ESPNL: variants seen among roughly 807,000 people sequenced by gnomAD.
ESPNL encodes espin-like protein.
ESPNL carries 49 observed loss-of-function variants against 46.8 expected under a neutral mutation model. The ratio of observed to expected loss-of-function variants is 1.05; its 90% CI spans 0.83 to 1.33. ESPNL has a LOEUF of 1.33. ESPNL is among the 40% of genes most tolerant of loss of function. The pLI is 0.00. For missense variants in ESPNL, 1,540 were observed against 1,436.6 expected (o/e 1.07, Z -1.16); for synonymous variants, 664 against 662.1 (o/e 1.00, Z -0.04).
intron 1 of ESPNL, among the ~76,000 whole-genome samples, chr2:238,101,576 A>G (rs1004564164): frequency 2.6e-5 from 4 of 152,122 alleles, no homozygotes; most frequent in Admixed American, 2.0e-4. Flanking sequence ...GGGGCAGGGG[A>G]CCAGCCAGAG....
At chr2:238,120,740 T>C (rs151085767) in intron 5 of ESPNL, among the ~76,000 whole-genome samples, 1 of 152,310 alleles carries the variant, frequency 6.6e-6, no homozygotes, top group East Asian at 1.9e-4. Flanking sequence ...TGCTCGTCTC[T>C]CACCACTGGA....
At chr2:238,109,121 C>T (rs1209335231) in intron 4 of ESPNL, among the ~76,000 whole-genome samples, 2 of 152,194 alleles carry the variant, frequency 1.3e-5, no homozygotes, top group African/African-American at 4.8e-5. Flanking sequence ...GGAGGCATGT[C>T]CCTGACAGGT....
At position 238,128,229 on chromosome 2, in the gene ESPNL, T is replaced by C. The variant is rs1177529906; in HGVS notation, c.1216-478T>C. Among the ~76,000 whole-genome samples the C allele has an allele frequency of 2.6e-5, 4 of 152,202 alleles. No individual in the cohort carries two copies. The East Asian group carries it at 5.8e-4, about 22-fold the overall frequency. ...GCGTGGTACTGCAGATTCTCAACCA[T>C]TGAGGTGTTCGGTGGGAGTCTGGGA... On this transcript the variant is annotated intron_variant, in intron 7 of 8. Coordinates refer to ENST00000343063, the MANE Select transcript of ESPNL (RefSeq NM_194312.4).
At chr2:238,126,815 C>T (rs555816891) in intron 6 of ESPNL, among the ~76,000 whole-genome samples, 1 of 147,424 alleles carries the variant, frequency 6.8e-6, no homozygotes, top group Non-Finnish European at 1.5e-5. Flanking sequence ...TGTTCTGTGT[C>T]TGTGTGTTTC....
intron 6 of ESPNL, among the ~76,000 whole-genome samples, chr2:238,125,593 C>G (rs1172196290): frequency 6.6e-6 from 1 of 152,260 alleles, no homozygotes; most frequent in Non-Finnish European, 1.5e-5. Flanking sequence ...TGGGCACTTA[C>G]AGCTACAGCA....
chr2:238,121,262 T>G (rs1181703785), intron 5 of ESPNL, among the ~76,000 whole-genome samples: 1 of 152,178 alleles, frequency 6.6e-6, no homozygotes, highest in East Asian at 1.9e-4. Context: ...TGGGCAGGAA[T>G]GGTGAATAGA....
chr2:238,125,459 T>C, intron 6 of ESPNL, 75 bp downstream of exon 6: 1 of 864,376 alleles, frequency 1.2e-6, no homozygotes, highest in South Asian at 2.4e-5. Flanking sequence ...CCCTCCGAGG[T>C]CCTGGACCGG....
intron 6 of ESPNL, among the ~76,000 whole-genome samples, chr2:238,127,018 T>C (rs1692150231): frequency 6.6e-6 from 1 of 151,452 alleles, no homozygotes; most frequent in Non-Finnish European, 1.5e-5. Flanking sequence ...TGTGTGTGAT[T>C]GTGTTTGTGT....
intron 4 of ESPNL, among the ~76,000 whole-genome samples, chr2:238,113,206 C>G (rs76352009): frequency 6.6e-6 from 1 of 152,218 alleles, no homozygotes; most frequent in Non-Finnish European, 1.5e-5. Flanking sequence ...GATGGTGAAG[C>G]TTATTCATAC....
chr2:238,119,656 C>G (rs181130591), intron 5 of ESPNL, among the ~76,000 whole-genome samples: 7 of 152,052 alleles, frequency 4.6e-5, no homozygotes, highest in Non-Finnish European at 1.0e-4. Context: ...TCCCTCTAAC[C>G]TAGCTCGGTT....
chr2:238,125,731 G>A (rs1162301129), intron 6 of ESPNL, among the ~76,000 whole-genome samples: 1 of 152,074 alleles, frequency 6.6e-6, no homozygotes, highest in African/African-American at 2.4e-5. Context: ...CAGTCCTCAC[G>A]CTGTGGGCCA....
Position 238,117,013 on chromosome 2 carries a change from C to T in ESPNL, c.966C>T (p.Tyr322=), listed in dbSNP as rs1279145839. The T allele has an allele frequency of 1.9e-6, 3 of 1,611,624 alleles. No homozygotes were observed. Among genetic ancestry groups the T allele is most frequent in the East Asian group, 2.2e-5 (1 of 44,860 alleles). The part of the protein sequence containing the change: ...EYHGHRDCAQ[Y]LREVAQPVPL... The stretch of plus-strand genomic sequence containing the variant: ...ATGGACACCGGGACTGCGCCCAGTA[C>T]CTGCGGGAGGTGGCCCAGCCGGTAA... The change falls in exon 5 of 9, where the codon TAC becomes TAT. Residue 322 remains tyrosine, a synonymous_variant. Transcript: ENST00000343063.
intron 2 of ESPNL, among the ~76,000 whole-genome samples, 182 bp downstream of exon 2, chr2:238,102,313 G>GC (rs1210236607): frequency 6.6e-6 from 1 of 152,208 alleles, no homozygotes; most frequent in Admixed American, 6.5e-5. Flanking sequence ...CTACCCACAG[G>GC]CCAGGCAGTG....
rs1337506180 is a variant in ESPNL at position 238,130,732 on chromosome 2, C to A, written c.2018C>A (p.Pro673His). 3.8e-6 allele frequency: 6 copies of A among 1,565,204 alleles called. No individual in the cohort carries two copies. The South Asian group carries it at 6.9e-5, about 18-fold the overall frequency. ...SGPLCGFNPG[P>H]CEPGAQHRQC... ...CCACTCTGTGGCTTCAACCCTGGCC[C>A]CTGCGAGCCGGGGGCCCAGCACAGG... Residue 673 changes from proline (P) to histidine (H), a missense_variant, in exon 9 of 9, where the codon CCC (proline) becomes CAC (histidine). Coordinates refer to ENST00000343063, the MANE Select transcript of ESPNL (RefSeq NM_194312.4).
intron 6 of ESPNL, among the ~76,000 whole-genome samples, chr2:238,127,033 G>T (rs998827166): frequency 1.3e-5 from 2 of 148,746 alleles, no homozygotes; most frequent in Admixed American, 1.3e-4. Flanking sequence ...TTGTGTGTCT[G>T]TTCTGTGTGT....
Position 238,104,718 on chromosome 2 carries a change from A to G in ESPNL, c.548A>G (p.His183Arg), listed in dbSNP as rs1000145006. ...SPLYLACQEG[H>R]LHLAQFLVKD... ...CTCTACCTGGCCTGCCAGGAGGGCC[A>G]CCTGCACCTGGCCCAGTTCCTGGTG... Residue 183 changes from histidine to arginine, a missense_variant, in exon 3 of 9, where the codon CAC becomes CGC. His to Arg is a conservative substitution (Grantham distance 29, BLOSUM62 0). Transcript: ENST00000343063. The G allele has an allele frequency of 6.2e-7, 1 of 1,606,564 alleles. No homozygotes were observed. Among genetic ancestry groups the G allele is most frequent in the Non-Finnish European group, 8.5e-7 (1 of 1,177,652 alleles).
At chr2:238,126,617 G>T (rs570813500) in intron 6 of ESPNL, among the ~76,000 whole-genome samples, 1 of 149,080 alleles carries the variant, frequency 6.7e-6, no homozygotes, top group Non-Finnish European at 1.5e-5. Context: ...GATTGTGTCC[G>T]TGTCTGTGTG....
intron 3 of ESPNL, among the ~76,000 whole-genome samples, chr2:238,105,164 C>G (rs536355717): frequency 6.6e-6 from 1 of 152,268 alleles, no homozygotes; most frequent in East Asian, 1.9e-4. Context: ...GGTGCTTTGT[C>G]TGCGCCCACA....
rs765611326 is a variant in ESPNL, at chr2:238,100,659, G to A, written c.240G>A (p.Thr80=). ...GATPAHDAAA[T]GSLAELCWLV... ...CCCCAGCGCATGACGCCGCTGCCAC[G>A]GGCAGCCTGGCCGAGCTGTGCTGGC... The change falls in exon 1 of 9, where the codon ACG becomes ACA. Residue 80 remains threonine (T), a synonymous_variant. Coordinates refer to ENST00000343063, the MANE Select transcript of ESPNL (RefSeq NM_194312.4). 2.6e-5 allele frequency: 38 copies of A among 1,447,158 alleles called. No homozygotes were observed. The highest frequency in any genetic ancestry group is 3.1e-5 in the Non-Finnish European group (34 of 1,107,944). The allele number at this position is 1,447,158 out of a possible 1,614,324, so 89.6% of individuals were successfully genotyped here. A position where few individuals can be genotyped will look rare whatever the true frequency, so the allele number is the denominator to read the frequency against.
Sources: gnomAD v4.1 joint callset for allele counts (sites outside exome capture counted in the v4.1 genomes callset) on GRCh38, gnomAD v4.1.1 for gene constraint, MANE v1.5 for transcripts, NCBI Gene and HGNC (gene_info 2026-07-23, HGNC 2026-07-21) for gene names.